Variants in RIMS1 observed in about 807,000 individuals in gnomAD.
The protein encoded by RIMS1 is regulating synaptic membrane exocytosis protein 1.
RIMS1 carries 83 observed loss-of-function variants against 214.1 expected under a neutral mutation model. The ratio of observed to expected loss-of-function variants is 0.39; its 90% confidence interval spans 0.32 to 0.47. The LOEUF (loss-of-function observed/expected upper bound fraction) is 0.47. Among genes scored for constraint, RIMS1 ranks in the 20% least tolerant of loss-of-function variants. The pLI is 0.99. For synonymous variants in RIMS1, 793 were observed against 786.8 expected (o/e 1.01, Z -0.13); for missense variants, 2,050 against 2,161.8 (o/e 0.95, Z 1.03).
intron 4 of RIMS1, among the ~76,000 whole-genome samples, chr6:72,155,000 C>T (rs573823004): frequency 2.9e-5 from 4 of 140,110 alleles, no homozygotes; most frequent in African/African-American, 9.9e-5. Context: ...GGAAGCCTGA[C>T]AATGAACTCC....
At chr6:71,970,976 TG>T (rs1795704906) in intron 2 of RIMS1, among the ~76,000 whole-genome samples, 1 of 152,202 alleles carries the variant, frequency 6.6e-6, no homozygotes, top group Non-Finnish European at 1.5e-5. Flanking sequence ...TGATTTTCAG[TG>T]GGTCTGAAAA....
intron 19 of RIMS1, chr6:72,263,896 G>A: frequency 5.6e-6 from 2 of 355,094 alleles, no homozygotes; most frequent in Non-Finnish European, 7.9e-6. Flanking sequence ...GGGAGGCTGA[G>A]AGAGGAGATT....
At chr6:72,016,403 A>G (rs1812769876) in intron 2 of RIMS1, among the ~76,000 whole-genome samples, 2 of 152,016 alleles carry the variant, frequency 1.3e-5, no homozygotes, top group Admixed American at 6.6e-5. Context: ...TCCTTCTACA[A>G]GCTACCTTCT....
chr6:71,975,238 TAAG>T (rs1454416028), intron 2 of RIMS1, among the ~76,000 whole-genome samples: 1 of 152,122 alleles, frequency 6.6e-6, no homozygotes, highest in Non-Finnish European at 1.5e-5. Flanking sequence ...TTGGAGGACT[TAAG>T]AAAATTATGC....
At chr6:72,035,886 A>C (rs1442108028) in intron 2 of RIMS1, among the ~76,000 whole-genome samples, 1 of 152,190 alleles carries the variant, frequency 6.6e-6, no homozygotes, top group African/African-American at 2.4e-5. Context: ...TTTTGGACAG[A>C]AAAGACCAAG....
At position 72,195,897 on chromosome 6, in the gene RIMS1, G is replaced by T. The variant is rs141381740; in HGVS notation, c.1678+12748G>T. Among the ~76,000 whole-genome samples, 149 of 152,130 alleles carry T rather than the reference G, an allele frequency of 9.8e-4. 2 individuals are homozygous for T. The highest frequency in any genetic ancestry group is 3.4e-3 in the African/African-American group (140 of 41,512). On this transcript the variant is annotated intron_variant, in intron 6 of 33. Transcript: ENST00000521978. ...GGGGAAGAGGCACGTCTTACATGACGGCAGGTGAGAGAGAGCGAGAGTATG... is the reference window on the plus strand; with the variant it reads ...GGGGAAGAGGCACGTCTTACATGACTGCAGGTGAGAGAGAGCGAGAGTATG...
intron 4 of RIMS1, among the ~76,000 whole-genome samples, chr6:72,143,018 G>A (rs145521040): frequency 3.7e-4 from 57 of 152,120 alleles, no homozygotes; most frequent in Middle Eastern, 3.4e-3. Context: ...CCATGTAATC[G>A]TGATCAAAGA....
intron 16 of RIMS1, among the ~76,000 whole-genome samples, chr6:72,253,668 C>T (rs1456563661): frequency 6.6e-6 from 1 of 151,950 alleles, no homozygotes; most frequent in African/African-American, 2.4e-5. Context: ...TATATATGCC[C>T]TTTATTTACA....
At chr6:72,262,126 G>C in intron 19 of RIMS1, 2 of 984,560 alleles carry the variant, frequency 2.0e-6, no homozygotes, top group Non-Finnish European at 2.4e-6. Context: ...CACTCAGTGT[G>C]TGAATATTTC....
At chr6:71,890,741 G>A (rs906512637) in intron 1 of RIMS1, among the ~76,000 whole-genome samples, 1 of 152,038 alleles carries the variant, frequency 6.6e-6, no homozygotes, top group Non-Finnish European at 1.5e-5. Context: ...CCTCACACTA[G>A]CTCTTATTTT....
At position 72,263,102 on chromosome 6, in the gene RIMS1, A is replaced by G. The variant is rs1244528769; in HGVS notation, c.3117-1873A>G. 5 of 982,940 alleles carry G rather than the reference A, an allele frequency of 5.1e-6. No homozygotes were observed. In the South Asian group the frequency reaches 1.9e-4, roughly 37 times the overall value. The allele number at this position is 982,940 out of a possible 1,614,324, so 60.9% of individuals were successfully genotyped here. On this transcript the variant is annotated intron_variant, in intron 19 of 33. Coordinates refer to ENST00000521978, the MANE Select transcript of RIMS1 (RefSeq NM_014989.7). ...TTCCAAAAATATGAAAACTTGTCCT[A>G]TGAGATGTTTCACCAATAAGAGTTT...
At chr6:71,973,498 C>A (rs1004591568) in intron 2 of RIMS1, among the ~76,000 whole-genome samples, 2 of 152,078 alleles carry the variant, frequency 1.3e-5, no homozygotes, top group Admixed American at 1.3e-4. Context: ...TCTTTGTGAA[C>A]GGCCTAATGC....
intron 2 of RIMS1, among the ~76,000 whole-genome samples, chr6:72,040,587 A>G (rs1821162868): frequency 6.6e-6 from 1 of 151,952 alleles, no homozygotes. Context: ...GTACTGTTTC[A>G]TATATTTTGA....
At position 72,372,069 on chromosome 6, in the gene RIMS1, G is replaced by T. The variant is rs577548846; in HGVS notation, c.4367-18529G>T. Among the ~76,000 whole-genome samples, 24 of 152,268 alleles carry T rather than the reference G, an allele frequency of 1.6e-4. 1 individual carries two copies. In the South Asian group the frequency reaches 3.7e-3, roughly 24 times the overall value. ...AATCTTAAAGGCTGTTTCAAAACAA[G>T]AATCTAAAATACCTGGGCCAAGGAT... On this transcript the variant is annotated intron_variant, in intron 29 of 33. Coordinates refer to ENST00000521978, the MANE Select transcript of RIMS1 (RefSeq NM_014989.7).
At chr6:71,951,287 T>C (rs1379736503) in intron 1 of RIMS1, among the ~76,000 whole-genome samples, 1 of 152,150 alleles carries the variant, frequency 6.6e-6, no homozygotes, top group Non-Finnish European at 1.5e-5. Context: ...GTTAGCTCTT[T>C]ATTGCGGGAG....
At chr6:72,017,911 C>T (rs1280787185) in intron 2 of RIMS1, among the ~76,000 whole-genome samples, 2 of 152,142 alleles carry the variant, frequency 1.3e-5, no homozygotes, top group Admixed American at 1.3e-4. Flanking sequence ...GTGCCTGGAT[C>T]ACTGGGGAGG....
intron 4 of RIMS1, among the ~76,000 whole-genome samples, chr6:72,150,984 A>G (rs1156455368): frequency 3.9e-5 from 6 of 152,174 alleles, no homozygotes; most frequent in African/African-American, 9.7e-5. Context: ...ATTTGAAATC[A>G]TTTTTGTTTA....
Position 72,251,046 on chromosome 6 carries a change from G to T in RIMS1, c.2498G>T (p.Trp833Leu). The T allele has an allele frequency of 6.3e-7, 1 of 1,584,942 alleles. No individual in the cohort carries two copies. ...FRERMLEITV[W>L]DQPRVQEEES... is the part of the protein sequence containing the mutation. The stretch of plus-strand genomic sequence containing the variant: ...GAACGAATGTTAGAAATAACTGTGT[G>T]GGACCAACCAAGAGTGCAAGAAGAA... The change falls in exon 14 of 34, where the codon TGG (tryptophan) becomes TTG (leucine). Residue 833 changes from tryptophan to leucine, a missense_variant. Physicochemically the swap from Trp to Leu is moderately conservative, Grantham distance 61. Transcript: ENST00000521978.
intron 26 of RIMS1, among the ~76,000 whole-genome samples, chr6:72,300,350 T>G (rs2094492523): frequency 6.6e-6 from 1 of 151,836 alleles, no homozygotes; most frequent in African/African-American, 2.4e-5. Flanking sequence ...CTCTTTGATG[T>G]ATTTTCTCTA....
Sources: allele counts gnomAD v4.1 joint callset (sites outside exome capture counted in the v4.1 genomes callset), GRCh38; gene constraint gnomAD v4.1.1; transcripts MANE v1.5; gene names NCBI Gene and HGNC (gene_info 2026-07-23, HGNC 2026-07-21).